The following TFDP2 variants were observed in gnomAD, a reference collection of about 807,000 sequenced individuals.
TFDP2 encodes transcription factor Dp-2.
Under a neutral mutation model 59.3 loss-of-function variants are expected in TFDP2, and 17 were observed. That is an observed-to-expected ratio of 0.29 (90% CI 0.20 to 0.43). The LOEUF is 0.43. Ranked by LOEUF, TFDP2 falls within the 20% of genes least tolerant of loss-of-function variation. The pLI is 1.00. For synonymous variants in TFDP2, 180 were observed against 194.7 expected (o/e 0.92, Z 0.63); for missense variants, 391 against 528.8 (o/e 0.74, Z 2.56).
intron 3 of TFDP2, among the ~76,000 whole-genome samples, chr3:142,082,449 C>T (rs2060668698): frequency 6.6e-6 from 1 of 152,112 alleles, no homozygotes; most frequent in Admixed American, 6.5e-5. Flanking sequence ...TTCCACAAAA[C>T]CAATCCCTGG....
chr3:142,143,081 C>G (rs895511768), intron 1 of TFDP2, among the ~76,000 whole-genome samples: 10 of 152,066 alleles, frequency 6.6e-5, no homozygotes, highest in African/African-American at 2.4e-4. Flanking sequence ...ACTAAAAATA[C>G]AAAAATTAGC....
intron 3 of TFDP2, among the ~76,000 whole-genome samples, chr3:142,044,753 C>T (rs1947242420): frequency 6.6e-6 from 1 of 152,162 alleles, no homozygotes. Context: ...TATTTCTTCT[C>T]TCTCTAGGTC....
chr3:141,978,538 G>A lies in TFDP2; in HGVS notation c.501C>T (p.Asn167=). The change falls in exon 7 of 13, where the codon AAC becomes AAT. Residue 167 remains asparagine, a synonymous_variant. Transcript: ENST00000489671. Reference sequence around the variant, plus strand: ...TACATACCGAATCAGCAGCCAAATGGTTATTTGAATTGGTGAACTCTGACA... The same window carrying A: ...TACATACCGAATCAGCAGCCAAATGATTATTTGAATTGGTGAACTCTGACA... ...ELVSEFTNSN[N]HLAADSAYDQ... 1.2e-6 allele frequency: 2 copies of A among 1,609,676 alleles called. No homozygotes were observed. Among genetic ancestry groups the A allele is most frequent in the East Asian group, 2.2e-5 (1 of 44,714 alleles).
At chr3:142,076,448 A>T (rs1301160966) in intron 3 of TFDP2, among the ~76,000 whole-genome samples, 1 of 152,180 alleles carries the variant, frequency 6.6e-6, no homozygotes, top group Non-Finnish European at 1.5e-5. Context: ...GGAACAGCAT[A>T]TGACTATTAA....
intron 3 of TFDP2, among the ~76,000 whole-genome samples, chr3:142,027,688 G>A (rs950542483): frequency 2.0e-5 from 3 of 152,080 alleles, no homozygotes; most frequent in African/African-American, 4.8e-5. Flanking sequence ...TAGAATATAC[G>A]TTGTAACTAA....
intron 3 of TFDP2, among the ~76,000 whole-genome samples, chr3:142,078,909 G>C (rs186696095): frequency 6.6e-6 from 1 of 151,922 alleles, no homozygotes; most frequent in Non-Finnish European, 1.5e-5. Context: ...AAGATAACAC[G>C]GAGAAGGAAT....
chr3:142,051,141 T>C (rs1392815916), intron 3 of TFDP2, among the ~76,000 whole-genome samples: 1 of 152,212 alleles, frequency 6.6e-6, no homozygotes, highest in African/African-American at 2.4e-5. Flanking sequence ...TAATTTTTTG[T>C]TCTGGAAGAC....
At chr3:142,138,066 T>A (rs953660462) in intron 1 of TFDP2, among the ~76,000 whole-genome samples, 1 of 152,228 alleles carries the variant, frequency 6.6e-6, no homozygotes, top group Admixed American at 6.5e-5. Flanking sequence ...GATATTGGTC[T>A]ATTCAGAGAT....
intron 3 of TFDP2, among the ~76,000 whole-genome samples, chr3:142,028,114 C>T (rs1250040344): frequency 6.6e-6 from 1 of 152,078 alleles, no homozygotes; most frequent in African/African-American, 2.4e-5. Flanking sequence ...TTCCAAGGAT[C>T]CTTGGGAAGT....
intron 3 of TFDP2, among the ~76,000 whole-genome samples, chr3:142,072,575 C>T (rs958572310): frequency 9.9e-5 from 15 of 152,100 alleles, no homozygotes; most frequent in Non-Finnish European, 1.6e-4. Context: ...ATCTGAGGAC[C>T]GGGCAGGAAA....
chr3:142,068,464 C>A (rs868786473), intron 3 of TFDP2, among the ~76,000 whole-genome samples: 1 of 152,098 alleles, frequency 6.6e-6, no homozygotes, highest in South Asian at 2.1e-4. Context: ...CTGTGAAAGA[C>A]ACTGTTTTTC....
rs2108768661 is a variant in TFDP2, at chr3:142,149,437, C to T, written c.-347G>A. The T allele has an allele frequency of 2.6e-6, 1 of 380,410 alleles. No homozygotes were observed. The highest frequency in any genetic ancestry group is 4.7e-6 in the Non-Finnish European group (1 of 214,718). 23.6% of individuals were successfully genotyped at this position (380,410 alleles called of 1,614,324 possible). A position where few individuals can be genotyped will look rare whatever the true frequency, so the allele number is the denominator to read the frequency against. On this transcript the variant is annotated 5_prime_UTR_variant, in exon 1 of 13. Coordinates refer to ENST00000489671, the MANE Select transcript of TFDP2 (RefSeq NM_001178139.2). ...GCGCGCCCCGCGGGCCGGGCAGCTG[C>T]GGCAGCGCCGCAGCCGAGATCGCTA...
chr3:141,967,369 T>C (rs916673438), intron 9 of TFDP2, among the ~76,000 whole-genome samples: 2 of 151,350 alleles, frequency 1.3e-5, no homozygotes, highest in Non-Finnish European at 2.9e-5. Context: ...CTCAGCTCAC[T>C]GCAACCTCTG....
At chr3:142,043,388 G>A (rs977292689) in intron 3 of TFDP2, among the ~76,000 whole-genome samples, 1 of 150,930 alleles carries the variant, frequency 6.6e-6, no homozygotes, top group Admixed American at 6.6e-5. Context: ...TTTGGAGACT[G>A]AGTCTCACTC....
At chr3:142,075,475 T>A (rs545333320) in intron 3 of TFDP2, among the ~76,000 whole-genome samples, 3 of 152,190 alleles carry the variant, frequency 2.0e-5, no homozygotes, top group African/African-American at 7.2e-5. Flanking sequence ...TTTAGTATCC[T>A]GCGTAGAGCA....
At chr3:142,104,237 C>T (rs1028265870) in intron 1 of TFDP2, among the ~76,000 whole-genome samples, 2 of 152,118 alleles carry the variant, frequency 1.3e-5, no homozygotes, top group South Asian at 2.1e-4. Flanking sequence ...TTATTTCTTA[C>T]GTCCTCTCTA....
intron 3 of TFDP2, among the ~76,000 whole-genome samples, chr3:142,008,807 A>C (rs1944418988): frequency 6.6e-6 from 1 of 152,182 alleles, no homozygotes; most frequent in African/African-American, 2.4e-5. Context: ...AAAAGTATAC[A>C]CATATATATA....
At chr3:142,073,914 T>A (rs753875879) in intron 3 of TFDP2, among the ~76,000 whole-genome samples, 9 of 152,196 alleles carry the variant, frequency 5.9e-5, no homozygotes, top group Admixed American at 1.3e-4. Flanking sequence ...AAATGTTAAG[T>A]GTCTTTTTTC....
chr3:142,010,743 G>GA (rs1340107833), intron 3 of TFDP2, among the ~76,000 whole-genome samples: 1 of 145,236 alleles, frequency 6.9e-6, no homozygotes, highest in Non-Finnish European at 1.5e-5. Flanking sequence ...AAATTTACAA[G>GA]AAAAAAACAA....
Sources: gnomAD v4.1 joint callset for allele counts (sites outside exome capture counted in the v4.1 genomes callset) on GRCh38, gnomAD v4.1.1 for gene constraint, MANE v1.5 for transcripts, NCBI Gene and HGNC (gene_info 2026-07-23, HGNC 2026-07-21) for gene names.